Variants in LRRC37A2 observed in about 807,000 individuals in gnomAD.
LRRC37A2 encodes the protein leucine rich repeat containing 37 member A2.
Under a neutral mutation model 68.8 loss-of-function variants are expected in LRRC37A2, and 9 were observed. That is an observed-to-expected ratio of 0.13 (90% confidence interval 0.08 to 0.23). LRRC37A2 has a LOEUF of 0.23. LRRC37A2 is among the 10% of genes least tolerant of loss of function. The probability of loss-of-function intolerance (pLI) is 1.00; values close to 1 mark genes in which losing one functional copy is unlikely to be tolerated. For missense variants in LRRC37A2, 168 were observed against 950.4 expected, an observed-to-expected ratio of 0.18 and a Z score of 10.82; for synonymous variants, 63 against 367.6, an observed-to-expected ratio of 0.17 and a Z score of 9.48.
chr17:46,847,987 T>TGTGG, the LRRC37A2 span, among the ~76,000 whole-genome samples: 1 of 151,860 alleles, frequency 6.6e-6, no homozygotes, highest in South Asian at 2.1e-4. Flanking sequence ...TGTGTGTGTG[T>TGTGG]GTGTGTGTGC....
chr17:46,761,121 T>A, the LRRC37A2 span, among the ~76,000 whole-genome samples: 1 of 152,204 alleles, frequency 6.6e-6, no homozygotes, highest in African/African-American at 2.4e-5. Context: ...GAGATCTGTA[T>A]CCTGTACGTG....
At chr17:46,984,359 G>C in the LRRC37A2 span, among the ~76,000 whole-genome samples, 2 of 152,120 alleles carry the variant, frequency 1.3e-5, no homozygotes, top group Admixed American at 1.3e-4. Context: ...GTTGGGGAAA[G>C]ACTCCCCCGA....
At chr17:46,797,124 C>T in the LRRC37A2 span, among the ~76,000 whole-genome samples, 4 of 152,162 alleles carry the variant, frequency 2.6e-5, no homozygotes, top group Non-Finnish European at 5.9e-5. Context: ...TAATGAGCTG[C>T]TAATATTCAA....
the LRRC37A2 span, among the ~76,000 whole-genome samples, chr17:46,988,677 A>G: frequency 6.6e-6 from 1 of 152,118 alleles, no homozygotes; most frequent in Non-Finnish European, 1.5e-5. Flanking sequence ...GTTGAACATG[A>G]TGAGTCTGAG....
chr17:46,721,154 C>G, the LRRC37A2 span, among the ~76,000 whole-genome samples: 2 of 152,230 alleles, frequency 1.3e-5, no homozygotes, highest in African/African-American at 4.8e-5. Flanking sequence ...GTGGCACACT[C>G]TTGCCTTAAG....
At chr17:46,767,444 T>C in the LRRC37A2 span, among the ~76,000 whole-genome samples, 2 of 152,192 alleles carry the variant, frequency 1.3e-5, no homozygotes, top group Non-Finnish European at 2.9e-5. Flanking sequence ...GAACTTGCCC[T>C]CTAAGTTCAA....
the LRRC37A2 span, among the ~76,000 whole-genome samples, chr17:46,845,599 C>T: frequency 2.0e-5 from 3 of 147,830 alleles, no homozygotes; most frequent in Non-Finnish European, 3.0e-5. Flanking sequence ...AAACGATTTT[C>T]CTGCCTTGGC....
At chr17:46,945,906 T>C in the LRRC37A2 span, among the ~76,000 whole-genome samples, 1 of 152,230 alleles carries the variant, frequency 6.6e-6, no homozygotes, top group Non-Finnish European at 1.5e-5. Context: ...TTATTGTTGC[T>C]ATGTGCATGG....
At chr17:47,024,715 A>C in the LRRC37A2 span, 1 of 892,792 alleles carries the variant, frequency 1.1e-6, no homozygotes, top group Admixed American at 1.7e-5. Flanking sequence ...GAATTACACA[A>C]GGATTCATTT....
At chr17:46,941,014 G>A in the LRRC37A2 span, 25 of 1,116,222 alleles carry the variant, frequency 2.2e-5, no homozygotes, top group South Asian at 1.7e-4. Context: ...TAGTGGAGGC[G>A]GGGGTGAATT....
At chr17:46,741,555 C>A in the LRRC37A2 span, among the ~76,000 whole-genome samples, 1 of 151,832 alleles carries the variant, frequency 6.6e-6, no homozygotes, top group Non-Finnish European at 1.5e-5. Flanking sequence ...TTGAAACATC[C>A]TTCCTTTGGT....
At chr17:46,776,858 G>A in the LRRC37A2 span, among the ~76,000 whole-genome samples, 1 of 152,110 alleles carries the variant, frequency 6.6e-6, no homozygotes, top group South Asian at 2.1e-4. Context: ...GGCACTCGGA[G>A]ACCCTTCCTC....
the LRRC37A2 span, among the ~76,000 whole-genome samples, chr17:46,842,239 G>C: frequency 6.6e-6 from 1 of 152,376 alleles, no homozygotes; most frequent in East Asian, 1.9e-4. Flanking sequence ...GTGTGAGGAA[G>C]AGATGAGTTA....
the LRRC37A2 span, among the ~76,000 whole-genome samples, chr17:46,731,738 G>T: frequency 2.0e-5 from 3 of 152,106 alleles, no homozygotes; most frequent in Non-Finnish European, 4.4e-5. Context: ...AATGGCAGGG[G>T]TTCTCTCTGA....
intron 6 of LRRC37A2, among the ~76,000 whole-genome samples, chr17:46,529,833 A>G (rs2053400943): frequency 8.0e-6 from 1 of 124,532 alleles, no homozygotes; most frequent in African/African-American, 3.1e-5. Context: ...GGAGGAAAAG[A>G]GGATAATATC....
the LRRC37A2 span, chr17:46,721,510 T>C: frequency 2.1e-6 from 2 of 949,202 alleles, no homozygotes; most frequent in South Asian, 2.7e-5. Flanking sequence ...AACTTCATAA[T>C]AGAACTGGGC....
At chr17:46,991,264 A>G in the LRRC37A2 span, among the ~76,000 whole-genome samples, 1 of 152,156 alleles carries the variant, frequency 6.6e-6, no homozygotes, top group African/African-American at 2.4e-5. Flanking sequence ...TGCCAACAGA[A>G]TGACTTCTTA....
chr17:46,495,295 A>T, the LRRC37A2 span, among the ~76,000 whole-genome samples: 1 of 145,390 alleles, frequency 6.9e-6, no homozygotes, highest in Non-Finnish European at 1.5e-5. Flanking sequence ...CTGGTCTTGA[A>T]TTTTTTTGCT....
At chr17:47,036,055 C>T in the LRRC37A2 span, among the ~76,000 whole-genome samples, 1 of 152,126 alleles carries the variant, frequency 6.6e-6, no homozygotes, top group South Asian at 2.1e-4. Context: ...CTTCTGGATA[C>T]TCTGGATATT....
Sources: allele counts gnomAD v4.1 joint callset (sites outside exome capture counted in the v4.1 genomes callset), GRCh38; gene constraint gnomAD v4.1.1; transcripts MANE v1.5; gene names NCBI Gene and HGNC (gene_info 2026-07-23, HGNC 2026-07-21).